PCDH11X: variants seen among roughly 807,000 people sequenced by gnomAD.
PCDH11X encodes protocadherin 11 X-linked.
A neutral mutation model predicts 53.3 loss-of-function variants in PCDH11X; 18 were observed. The ratio of observed to expected loss-of-function variants is 0.34; its 90% CI spans 0.23 to 0.50. The LOEUF (loss-of-function observed/expected upper bound fraction) is 0.50, where lower values mean the gene tolerates loss of function less well. Ranked by LOEUF, PCDH11X falls within the 20% of genes least tolerant of loss-of-function variation. The probability of loss-of-function intolerance (pLI) is 0.98; values close to 1 mark genes in which losing one functional copy is unlikely to be tolerated. For missense variants in PCDH11X, 570 were observed against 1,032.4 expected (o/e 0.55, Z 6.14); for synonymous variants, 279 against 393.3 (o/e 0.71, Z 3.44).
intron 9 of PCDH11X, among the ~76,000 whole-genome samples, chrX:92,416,364 G>T (rs1462244842): frequency 9.0e-6 from 1 of 110,587 alleles, no homozygotes; most frequent in Non-Finnish European, 1.9e-5. Context: ...TGAGAGGATG[G>T]ATACTCCATT....
chrX:91,814,662 TC>T lies in PCDH11X; in HGVS notation c.-45+3369del, dbSNP rs761379753. ...GCTGTAGCATTGCTCATAATTGAGA[TC>T]CATTATGCAAATGATTATGTATTTA... On this transcript the variant is annotated intron_variant, in intron 4 of 10. Coordinates refer to ENST00000682573, the MANE Select transcript of PCDH11X (RefSeq NM_032968.5). Among the ~76,000 whole-genome samples, 398 of 92,459 alleles carry T rather than the reference TC, an allele frequency of 4.3e-3. 1 individual carries two copies. The highest frequency in any genetic ancestry group is 0.015 in the African/African-American group (382 of 25,119). 80.3% of individuals were successfully genotyped at this position (92,459 alleles called of 115,157 possible). A position where few individuals can be genotyped will look rare whatever the true frequency, so the allele number is the denominator to read the frequency against.
At chrX:92,505,163 T>G (rs200654949) in intron 10 of PCDH11X, among the ~76,000 whole-genome samples, 2 of 55,517 alleles carry the variant, frequency 3.6e-5, no homozygotes, top group African/African-American at 4.9e-5. Flanking sequence ...TTTTTTTTTT[T>G]TTTGTTTTTT....
intron 5 of PCDH11X, among the ~76,000 whole-genome samples, chrX:91,852,698 G>A (rs760200922): frequency 1.8e-5 from 2 of 111,244 alleles, no homozygotes; most frequent in South Asian, 7.7e-4. Context: ...GCTGTCTTAT[G>A]CACTGCAGGA....
intron 8 of PCDH11X, among the ~76,000 whole-genome samples, chrX:92,319,741 T>C (rs1045977417): frequency 5.4e-5 from 6 of 111,511 alleles, no homozygotes; most frequent in African/African-American, 2.0e-4. Context: ...TGAGATTTTA[T>C]ATATATAAAG....
intron 6 of PCDH11X, among the ~76,000 whole-genome samples, chrX:92,108,055 T>G (rs1204000675): frequency 8.9e-6 from 1 of 112,439 alleles, no homozygotes; most frequent in East Asian, 2.8e-4. Context: ...TGAGTGAAGA[T>G]AATTTAATCA....
At chrX:92,586,863 G>A (rs1924433849) in intron 10 of PCDH11X, among the ~76,000 whole-genome samples, 1 of 110,848 alleles carries the variant, frequency 9.0e-6, no homozygotes, top group East Asian at 2.8e-4. Context: ...AAATAACTCA[G>A]CTATGCATTT....
chrX:92,230,973 A>C (rs2067065805), intron 7 of PCDH11X, among the ~76,000 whole-genome samples: 1 of 111,187 alleles, frequency 9.0e-6, no homozygotes, highest in African/African-American at 3.3e-5. Context: ...ACAGCCATAG[A>C]ATAGAGTCTG....
chrX:91,808,326 C>T (rs1434024116), intron 1 of PCDH11X, among the ~76,000 whole-genome samples: 2 of 108,224 alleles, frequency 1.8e-5, no homozygotes, highest in Non-Finnish European at 3.8e-5. Flanking sequence ...GAAACCCTGT[C>T]TCAACTAAAA....
At position 91,950,813 on chromosome X, in the gene PCDH11X, T is replaced by C. The variant is rs184596318; in HGVS notation, c.3033+71540T>C. 1.4e-3 allele frequency among the ~76,000 whole-genome samples: 151 copies of C among 109,861 alleles called. 2 individuals are homozygous for C. Among genetic ancestry groups the C allele is most frequent in the Non-Finnish European group, 3.2e-4 (17 of 52,520 alleles). On this transcript the variant is annotated intron_variant, in intron 6 of 10. Coordinates refer to ENST00000682573, the MANE Select transcript of PCDH11X (RefSeq NM_032968.5). Reference sequence around the variant, plus strand: ...CTTTGTTCCTTCTGTATTCCTAACATGTAGAAAAGTGGCTGAAATATAAGC... The same window carrying C: ...CTTTGTTCCTTCTGTATTCCTAACACGTAGAAAAGTGGCTGAAATATAAGC...
chrX:92,488,060 C>T (rs1429110431), intron 10 of PCDH11X, among the ~76,000 whole-genome samples: 1 of 112,123 alleles, frequency 8.9e-6, no homozygotes, highest in Non-Finnish European at 1.9e-5. Context: ...CTCAGCCTTC[C>T]CAGTAGCTGT....
At chrX:92,293,622 CAAAA>C (rs10685775) in intron 8 of PCDH11X, among the ~76,000 whole-genome samples, 1 of 55,523 alleles carries the variant, frequency 1.8e-5, no homozygotes. Flanking sequence ...GACTCCGTCT[CAAAA>C]AAAAAAAAAA....
intron 8 of PCDH11X, among the ~76,000 whole-genome samples, chrX:92,352,154 G>A (rs1373260679): frequency 9.0e-6 from 1 of 111,058 alleles, no homozygotes; most frequent in Non-Finnish European, 1.9e-5. Context: ...CCATCTACTG[G>A]CCTTGGATAC....
At chrX:91,930,902 A>G (rs1397443552) in intron 6 of PCDH11X, among the ~76,000 whole-genome samples, 1 of 107,056 alleles carries the variant, frequency 9.3e-6, no homozygotes, top group African/African-American at 3.4e-5. Flanking sequence ...TTGAAATCTA[A>G]GCATAAAATA....
At chrX:92,283,854 G>A (rs2068301758) in intron 8 of PCDH11X, among the ~76,000 whole-genome samples, 1 of 111,425 alleles carries the variant, frequency 9.0e-6, no homozygotes, top group Admixed American at 9.6e-5. Context: ...TGGAATGAAG[G>A]TAGACATATT....
At chrX:92,130,973 C>A (rs1392202991) in intron 6 of PCDH11X, among the ~76,000 whole-genome samples, 3 of 109,449 alleles carry the variant, frequency 2.7e-5, no homozygotes, top group African/African-American at 9.9e-5. Context: ...AAAAAAAAAA[C>A]CCATATACAC....
intron 6 of PCDH11X, among the ~76,000 whole-genome samples, chrX:92,173,373 G>A (rs2148279270): frequency 9.0e-6 from 1 of 111,604 alleles, no homozygotes; most frequent in Non-Finnish European, 1.9e-5. Flanking sequence ...AAATGAAAAA[G>A]GCAATTCATT....
At chrX:91,809,927 CCAT>C (rs1461539034) in intron 2 of PCDH11X, among the ~76,000 whole-genome samples, 1 of 110,480 alleles carries the variant, frequency 9.1e-6, no homozygotes, top group Non-Finnish European at 1.9e-5. Flanking sequence ...TGATTCATAG[CCAT>C]TTATAATACA....
At chrX:92,316,437 C>A (rs5942204) in intron 8 of PCDH11X, among the ~76,000 whole-genome samples, 17,084 of 109,022 alleles carry the variant, frequency 0.16, 1,184 homozygotes, top group Non-Finnish European at 0.2. Context: ...TTAGCATCTT[C>A]TTTATATCCA....
At chrX:91,821,314 G>A (rs1202178741) in intron 4 of PCDH11X, among the ~76,000 whole-genome samples, 1 of 108,601 alleles carries the variant, frequency 9.2e-6, no homozygotes, top group Admixed American at 9.7e-5. Flanking sequence ...AGCATGGAAT[G>A]TTCTTCCATT....
Sources: allele counts gnomAD v4.1 joint callset (sites outside exome capture counted in the v4.1 genomes callset), GRCh38; gene constraint gnomAD v4.1.1; transcripts MANE v1.5; gene names NCBI Gene and HGNC (gene_info 2026-07-23, HGNC 2026-07-21).